CACNA1A: variants seen among roughly 807,000 people sequenced by gnomAD.
CACNA1A encodes voltage-dependent P/Q-type calcium channel subunit alpha-1A.
CACNA1A carries 57 observed loss-of-function variants against 262.4 expected under a neutral mutation model. The ratio of observed to expected loss-of-function variants is 0.22; its 90% CI spans 0.18 to 0.27. The LOEUF is 0.27. CACNA1A is among the 10% of genes least tolerant of loss of function. The pLI is 1.00. For synonymous variants in CACNA1A, 1,431 were observed against 1,419.3 expected, an observed-to-expected ratio of 1.01 and a Z score of -0.18; for missense variants, 2,526 against 3,562.8, an observed-to-expected ratio of 0.71 and a Z score of 7.41.
In CACNA1A at chr19:13,214,643, G is replaced by T; in HGVS notation, c.5732-35C>A. The stretch of plus-strand genomic sequence containing the variant: ...GGGTGTAGACAGACCCTGACTGCCT[G>T]CCTGGGTGTCAGCTGGACTCTGGGT... On this transcript the variant is annotated intron_variant, in intron 38 of 46. Coordinates refer to ENST00000360228, the MANE Select transcript of CACNA1A (RefSeq NM_001127222.2). The surrounding 1 kb of genome is among the most constrained non-coding windows in gnomAD (Gnocchi z 4.1). The T allele has an allele frequency of 1.3e-6, 2 of 1,535,182 alleles. No individual in the cohort carries two copies. Among genetic ancestry groups the T allele is most frequent in the Non-Finnish European group, 9.0e-7 (1 of 1,113,400 alleles).
intron 34 of CACNA1A, among the ~76,000 whole-genome samples, chr19:13,232,993 G>A (rs1421991750): frequency 1.3e-5 from 2 of 151,000 alleles, no homozygotes; most frequent in African/African-American, 2.4e-5. Flanking sequence ...AAGTTGCGCC[G>A]AGCCGAGATC....
At position 13,335,853 on chromosome 19, in the gene CACNA1A, G is replaced by T. The variant is rs779827819; in HGVS notation, c.1035C>A (p.Ile345=). ...WNWLYFIPLI[I]IGSFFMLNLV... is the part of the protein sequence containing the mutation. ...GGTTCAGCATAAAAAAGGAGCCGAT[G>T]ATGATGAGGGGGATGAAGTACAACC... Residue 345 remains isoleucine, a synonymous_variant, in exon 7 of 47, where the codon ATC becomes ATA. Coordinates refer to ENST00000360228, the MANE Select transcript of CACNA1A (RefSeq NM_001127222.2). 10 of 1,611,030 alleles carry T rather than the reference G, an allele frequency of 6.2e-6. No homozygotes were observed. In the South Asian group the frequency reaches 1.0e-4, roughly 16 times the overall value.
At chr19:13,259,531 C>T in intron 27 of CACNA1A, 33 bp downstream of exon 27, 1 of 1,579,102 alleles carries the variant, frequency 6.3e-7, no homozygotes, top group Non-Finnish European at 8.6e-7. Context: ...CCCCAGGGCT[C>T]CTCCTGGATA....
chr19:13,464,865 C>T (rs2061203098), intron 1 of CACNA1A, among the ~76,000 whole-genome samples: 1 of 151,540 alleles, frequency 6.6e-6, no homozygotes, highest in Admixed American at 6.6e-5. Context: ...CCTATTTTTG[C>T]CCTTCTAGGT....
At chr19:13,496,480 A>G (rs1981552940) in intron 1 of CACNA1A, among the ~76,000 whole-genome samples, 1 of 152,166 alleles carries the variant, frequency 6.6e-6, no homozygotes, top group African/African-American at 2.4e-5. Flanking sequence ...AAAAGATTAG[A>G]AACATGGAAG....
chr19:13,212,848 A>C lies in CACNA1A; in HGVS notation c.5941-108T>G. 1 of 542,122 alleles carries C rather than the reference A, an allele frequency of 1.8e-6. No individual in the cohort carries two copies. The highest frequency in any genetic ancestry group is 3.2e-6 in the Non-Finnish European group (1 of 311,058). The allele number at this position is 542,122 out of a possible 1,614,324, so 33.6% of individuals were successfully genotyped here. On this transcript the variant is annotated intron_variant, in intron 40 of 46. Coordinates refer to ENST00000360228, the MANE Select transcript of CACNA1A (RefSeq NM_001127222.2). This position sits in a 1 kb window ranked among gnomAD's most constrained non-coding sequence, Gnocchi z 5.6. ...AGTATACACACACACACACACACAC[A>C]CTCTCTCAGGTCTCATCCATCTAGA...
intron 38 of CACNA1A, among the ~76,000 whole-genome samples, chr19:13,219,336 C>T (rs2055136231): frequency 6.6e-6 from 1 of 152,164 alleles, no homozygotes; most frequent in Non-Finnish European, 1.5e-5. Context: ...GCCACCGTGC[C>T]CGGCCCTTTG....
intron 22 of CACNA1A, among the ~76,000 whole-genome samples, chr19:13,282,723 T>C (rs4926257): frequency 0.64 from 96,686 of 151,780 alleles, 31,921 homozygotes; most frequent in East Asian, 0.95. Context: ...GAGGATTAAA[T>C]GAGATACTGC....
intron 28 of CACNA1A, chr19:13,256,363 T>G (rs554668533): frequency 4.6e-5 from 7 of 152,120 alleles, no homozygotes; most frequent in Non-Finnish European, 1.5e-5. Flanking sequence ...GAAGGAGGAA[T>G]AGTGGTTATT....
At chr19:13,264,705 G>A (rs1054649002) in intron 24 of CACNA1A, among the ~76,000 whole-genome samples, 2 of 152,100 alleles carry the variant, frequency 1.3e-5, no homozygotes, top group African/African-American at 4.8e-5. Flanking sequence ...CAAATTACCT[G>A]TTGCTCCCTC....
chr19:13,296,587 C>T (rs1210906874), intron 19 of CACNA1A, among the ~76,000 whole-genome samples: 1 of 152,158 alleles, frequency 6.6e-6, no homozygotes, highest in East Asian at 1.9e-4. Flanking sequence ...TGAGGTCTCA[C>T]TATGTTGCGC....
chr19:13,355,479 G>A (rs2058992901), intron 6 of CACNA1A, among the ~76,000 whole-genome samples: 1 of 152,290 alleles, frequency 6.6e-6, no homozygotes, highest in Admixed American at 6.5e-5. Context: ...GACAGGGAAG[G>A]GAAGGTGGCA....
At chr19:13,327,404 G>A (rs138216627) in intron 10 of CACNA1A, among the ~76,000 whole-genome samples, 59 of 151,310 alleles carry the variant, frequency 3.9e-4, no homozygotes, top group African/African-American at 1.4e-3. Flanking sequence ...CTGGGTTTTG[G>A]GTCTGTTTAG....
chr19:13,410,168 T>C (rs73922388), intron 3 of CACNA1A, among the ~76,000 whole-genome samples: 10,577 of 151,884 alleles, frequency 0.07, 718 homozygotes, highest in South Asian at 0.22. Context: ...TCCTCCAGCA[T>C]CCTCATGTTT....
intron 3 of CACNA1A, among the ~76,000 whole-genome samples, chr19:13,376,873 T>G (rs2059426773): frequency 6.9e-6 from 1 of 143,900 alleles, no homozygotes; most frequent in African/African-American, 2.5e-5. Context: ...ATGTGATATA[T>G]ATAACACATG....
chr19:13,233,265 C>A (rs1245944407), intron 34 of CACNA1A, among the ~76,000 whole-genome samples: 4 of 152,076 alleles, frequency 2.6e-5, no homozygotes, highest in Non-Finnish European at 4.4e-5. Context: ...CAATTTCTCT[C>A]AAATGTCACA....
Position 13,452,917 on chromosome 19 carries a change from C to A in CACNA1A, c.498G>T (p.Arg166Ser). Reference protein sequence around the residue: ...GFAFHKGSYLRNGWNVMDFVV... With the variant: ...GFAFHKGSYLSNGWNVMDFVV... Reference sequence around the variant, plus strand: ...CAAAGTCCATGACATTCCAGCCATTCCTCAAGTAGGAGCCTTTGTGGAAGG... The same window carrying A: ...CAAAGTCCATGACATTCCAGCCATTACTCAAGTAGGAGCCTTTGTGGAAGG... Residue 166 changes from arginine (R) to serine (S), a missense_variant, in exon 3 of 47, where the codon AGG becomes AGT. Coordinates refer to ENST00000360228, the MANE Select transcript of CACNA1A (RefSeq NM_001127222.2). 1 of 1,613,982 alleles carries A rather than the reference C, an allele frequency of 6.2e-7. No homozygotes were observed. Among genetic ancestry groups the A allele is most frequent in the Non-Finnish European group, 8.5e-7 (1 of 1,179,852 alleles).
chr19:13,330,354 C>G, intron 9 of CACNA1A, 21 bp from the exon 10 acceptor site: 1 of 1,542,012 alleles, frequency 6.5e-7, no homozygotes, highest in Non-Finnish European at 8.8e-7. Context: ...GGAAACATGG[C>G]AAGAGAAAAA....
intron 4 of CACNA1A, 53 bp from the exon 5 acceptor site, chr19:13,365,522 C>T: frequency 6.5e-7 from 1 of 1,544,980 alleles, no homozygotes; most frequent in South Asian, 1.2e-5. Flanking sequence ...TACCCCCAAA[C>T]CCCGCCACCA....
Sources: gnomAD v4.1 joint callset for allele counts (sites outside exome capture counted in the v4.1 genomes callset) on GRCh38, gnomAD v4.1.1 for gene constraint, Gnocchi (gnomAD v3.1) non-coding constraint, MANE v1.5 for transcripts, NCBI Gene and HGNC (gene_info 2026-07-23, HGNC 2026-07-21) for gene names.